ANKRD6: variants seen among roughly 807,000 people sequenced by gnomAD.
ANKRD6 encodes the protein ankyrin repeat domain-containing protein 6.
In ANKRD6, 56 loss-of-function variants were observed where a neutral mutation model predicts 82.3. That is an observed-to-expected ratio of 0.68 (90% CI 0.55 to 0.85). ANKRD6 has a LOEUF of 0.85. ANKRD6 is among the 40% of genes least tolerant of loss of function. ANKRD6 has a pLI of 0.00. For missense variants in ANKRD6, 852 were observed against 907.6 expected, an observed-to-expected ratio of 0.94 and a Z score of 0.79; for synonymous variants, 347 against 352.1, an observed-to-expected ratio of 0.99 and a Z score of 0.16.
At chr6:89,516,753 A>G (rs1304123729) in intron 1 of ANKRD6, among the ~76,000 whole-genome samples, 1 of 152,226 alleles carries the variant, frequency 6.6e-6, no homozygotes, top group Non-Finnish European at 1.5e-5. Context: ...CTGGGATTAC[A>G]GGTGTGAGCC....
At chr6:89,612,953 C>T (rs1335112783) in intron 6 of ANKRD6, among the ~76,000 whole-genome samples, 3 of 152,314 alleles carry the variant, frequency 2.0e-5, no homozygotes, top group Non-Finnish European at 2.9e-5. Context: ...CTAAAGTGTC[C>T]TCAGGTGAGG....
chr6:89,488,391 A>G (rs1777614798), intron 1 of ANKRD6, among the ~76,000 whole-genome samples: 3 of 152,178 alleles, frequency 2.0e-5, no homozygotes, highest in Admixed American at 2.0e-4. Flanking sequence ...TTGAGGCTGC[A>G]GTGGGCTGTG....
intron 1 of ANKRD6, among the ~76,000 whole-genome samples, chr6:89,496,185 C>G (rs566686208): frequency 1.3e-4 from 19 of 151,866 alleles, no homozygotes; most frequent in East Asian, 9.7e-4. Context: ...TGCCCCCCCC[C>G]CCACCATAAT....
chr6:89,575,981 T>G (rs1035980480), intron 2 of ANKRD6, among the ~76,000 whole-genome samples: 1 of 152,220 alleles, frequency 6.6e-6, no homozygotes, highest in Non-Finnish European at 1.5e-5. Context: ...GGGAACTACA[T>G]GTAAGAATTT....
At chr6:89,598,536 C>G in intron 3 of ANKRD6, 1 of 401,174 alleles carries the variant, frequency 2.5e-6, no homozygotes, top group Non-Finnish European at 3.4e-6. Context: ...ACACTGCACC[C>G]TTGCATGACT....
At chr6:89,474,810 A>G (rs1775863139) in intron 1 of ANKRD6, among the ~76,000 whole-genome samples, 1 of 152,208 alleles carries the variant, frequency 6.6e-6, no homozygotes, top group Non-Finnish European at 1.5e-5. Flanking sequence ...AGTGAAACCA[A>G]CCATGAGTTG....
At chr6:89,563,891 T>G (rs1306853183) in intron 1 of ANKRD6, among the ~76,000 whole-genome samples, 2 of 152,010 alleles carry the variant, frequency 1.3e-5, no homozygotes, top group African/African-American at 2.4e-5. Flanking sequence ...AGAGGTGGTG[T>G]CTCTGCTTGG....
At chr6:89,617,859 G>A in intron 8 of ANKRD6, 95 bp from the exon 9 acceptor site, 2 of 1,205,316 alleles carry the variant, frequency 1.7e-6, no homozygotes, top group South Asian at 2.6e-5. Flanking sequence ...ACTGGGTGTG[G>A]AACTGCCTGC....
intron 13 of ANKRD6, among the ~76,000 whole-genome samples, chr6:89,626,430 C>T (rs2128272664): frequency 6.6e-6 from 1 of 152,242 alleles, no homozygotes; most frequent in East Asian, 1.9e-4. Context: ...GCAATGTATA[C>T]CTATGGCTGC....
intron 4 of ANKRD6, among the ~76,000 whole-genome samples, chr6:89,603,778 G>T (rs530547586): frequency 3.9e-5 from 6 of 152,124 alleles, no homozygotes; most frequent in Non-Finnish European, 7.3e-5. Context: ...TCGAGGCCAG[G>T]ACTTCAAGAC....
chr6:89,450,025 G>A (rs1374323335), intron 1 of ANKRD6, among the ~76,000 whole-genome samples: 1 of 152,050 alleles, frequency 6.6e-6, no homozygotes, highest in Non-Finnish European at 1.5e-5. Context: ...TGTTACATGC[G>A]ACAGAGAAAT....
At chr6:89,586,848 A>G (rs140926556) in intron 2 of ANKRD6, among the ~76,000 whole-genome samples, 3 of 152,268 alleles carry the variant, frequency 2.0e-5, no homozygotes, top group African/African-American at 7.2e-5. Flanking sequence ...TTTTTGGTGG[A>G]TCTTTATAGA....
intron 1 of ANKRD6, among the ~76,000 whole-genome samples, chr6:89,487,322 C>T (rs1777491744): frequency 6.6e-6 from 1 of 152,234 alleles, no homozygotes; most frequent in Non-Finnish European, 1.5e-5. Context: ...ATCCCACTAA[C>T]AAATCCCCTG....
chr6:89,629,251 CAGAG>C lies in ANKRD6; in HGVS notation c.1612+16_1612+19del. The C allele has an allele frequency of 6.2e-7, 1 of 1,613,746 alleles. No individual in the cohort carries two copies. Among genetic ancestry groups the C allele is most frequent in the South Asian group, 1.1e-5 (1 of 91,060 alleles). ...GAGTCCTCTACAGGTAACCCACACA[CAGAG>C]AGCCCTTTTGTCCAAAAGGAACACG... On this transcript the variant is annotated intron_variant, in intron 15 of 15. Coordinates refer to ENST00000339746, the MANE Select transcript of ANKRD6 (RefSeq NM_001242809.2).
At chr6:89,536,408 G>A (rs1783844417) in intron 1 of ANKRD6, among the ~76,000 whole-genome samples, 1 of 152,208 alleles carries the variant, frequency 6.6e-6, no homozygotes, top group Non-Finnish European at 1.5e-5. Context: ...CGGCATGAAA[G>A]CTACATCCTC....
At chr6:89,510,277 A>G (rs991161394) in intron 1 of ANKRD6, among the ~76,000 whole-genome samples, 2 of 152,210 alleles carry the variant, frequency 1.3e-5, no homozygotes, top group Admixed American at 1.3e-4. Context: ...TTGTTACTAC[A>G]GCATAATTTA....
intron 1 of ANKRD6, among the ~76,000 whole-genome samples, chr6:89,436,155 G>A (rs1770612632): frequency 6.6e-6 from 1 of 152,286 alleles, no homozygotes; most frequent in Non-Finnish European, 1.5e-5. Context: ...TACATAAACT[G>A]AGAGAAAAAA....
At chr6:89,617,169 G>A (rs1174774342) in intron 8 of ANKRD6, among the ~76,000 whole-genome samples, 2 of 152,186 alleles carry the variant, frequency 1.3e-5, no homozygotes, top group Non-Finnish European at 1.5e-5. Flanking sequence ...GCTGTCCTGC[G>A]GTCTCTGCCC....
chr6:89,480,613 A>G (rs1053292415), intron 1 of ANKRD6, among the ~76,000 whole-genome samples: 1 of 151,066 alleles, frequency 6.6e-6, no homozygotes, highest in Non-Finnish European at 1.5e-5. Flanking sequence ...CTCACTAATT[A>G]CTTTTTAAAA....
Sources: gnomAD v4.1 joint callset for allele counts (sites outside exome capture counted in the v4.1 genomes callset) on GRCh38, gnomAD v4.1.1 for gene constraint, MANE v1.5 for transcripts, NCBI Gene and HGNC (gene_info 2026-07-23, HGNC 2026-07-21) for gene names.